ADCY3: variants seen among roughly 807,000 people sequenced by gnomAD.
ADCY3 encodes adenylate cyclase 3.
Under a neutral mutation model 119.4 loss-of-function variants are expected in ADCY3, and 70 were observed. That is an observed-to-expected ratio of 0.59 (90% CI 0.48 to 0.72). The LOEUF is 0.72. Among genes scored for constraint, ADCY3 ranks in the 30% least tolerant of loss-of-function variants. The pLI is 0.00. For missense variants in ADCY3, 1,238 were observed against 1,541.6 expected, an observed-to-expected ratio of 0.80 and a Z score of 3.30; for synonymous variants, 672 against 621.4, an observed-to-expected ratio of 1.08 and a Z score of -1.21.
At chr2:24,829,573 ACCAC>A (rs1669157463) in intron 13 of ADCY3, among the ~76,000 whole-genome samples, 1 of 151,008 alleles carries the variant, frequency 6.6e-6, no homozygotes, top group African/African-American at 2.4e-5. Context: ...GGCGCCTGCC[ACCAC>A]GCCCGGCTAA....
At chr2:24,837,875 T>G (rs1233711193) in intron 8 of ADCY3, among the ~76,000 whole-genome samples, 1 of 152,136 alleles carries the variant, frequency 6.6e-6, no homozygotes, top group Non-Finnish European at 1.5e-5. Flanking sequence ...GATGCACGAT[T>G]GCAAGCTTGT....
intron 6 of ADCY3, 114 bp from the exon 7 acceptor site, chr2:24,840,145 G>T: frequency 1.5e-6 from 2 of 1,364,136 alleles, no homozygotes; most frequent in South Asian, 1.4e-5. Context: ...ACAAGAGGGG[G>T]CCTGGCAAGG....
At chr2:24,825,979 G>T in intron 16 of ADCY3, 66 bp downstream of exon 16, 5 of 1,514,394 alleles carry the variant, frequency 3.3e-6, no homozygotes, top group Non-Finnish European at 4.6e-6. Flanking sequence ...TTAGGTCCCA[G>T]GGCTGCTTCT....
chr2:24,842,403 G>A lies in ADCY3; in HGVS notation c.826-19C>T. ...GGTTCTCCTGTGAGGGGCAGGAGAG[G>A]GTCAGAGGCAAAGGTAGGCCCTGCT... On this transcript the variant is annotated intron_variant, in intron 3 of 21. Transcript: ENST00000679454. This position sits in a 1 kb window ranked among gnomAD's most constrained non-coding sequence, Gnocchi z 4.9. 1 of 1,613,966 alleles carries A rather than the reference G, an allele frequency of 6.2e-7. No homozygotes were observed. The highest frequency in any genetic ancestry group is 1.3e-5 in the African/African-American group (1 of 75,030).
At chr2:24,863,297 C>A (rs1252158214) in intron 3 of ADCY3, among the ~76,000 whole-genome samples, 1 of 152,072 alleles carries the variant, frequency 6.6e-6, no homozygotes, top group African/African-American at 2.4e-5. Context: ...TATAAACAGG[C>A]AGAAAAAGGT....
chr2:24,859,940 C>T (rs1044664276), intron 3 of ADCY3, among the ~76,000 whole-genome samples: 6 of 152,218 alleles, frequency 3.9e-5, no homozygotes, highest in African/African-American at 1.4e-4. Context: ...TCTCCCTCTA[C>T]GTGCCCTGGC....
At chr2:24,876,328 A>T (rs1233675562) in intron 2 of ADCY3, among the ~76,000 whole-genome samples, 3 of 152,192 alleles carry the variant, frequency 2.0e-5, no homozygotes, top group Admixed American at 1.3e-4. Flanking sequence ...AGTCACGAAG[A>T]TACTAGCCCT....
At chr2:24,895,241 C>T (rs746571892) in intron 2 of ADCY3, among the ~76,000 whole-genome samples, 1 of 151,916 alleles carries the variant, frequency 6.6e-6, no homozygotes, top group Non-Finnish European at 1.5e-5. Flanking sequence ...CGGGCACACA[C>T]CACCACGCCC....
Position 24,918,327 on chromosome 2 carries a change from G to A in ADCY3, c.661C>T (p.Gln221Ter). Residue 221 changes from glutamine to a stop codon, truncating the protein, a stop_gained, in exon 2 of 22, where the codon CAG (glutamine) becomes TAG (stop). Transcript: ENST00000679454. LOFTEE classifies it high-confidence loss of function. The surrounding 1 kb of genome is among the most constrained non-coding windows in gnomAD (Gnocchi z 5.4). ...QQQQEELKGM[Q>*]LLREILANVF... ...GCAGGACTCACCTCCCGCAGCAGCT[G>A]CATCCCCTTGAGCTCCTCCTGCTGC... is the stretch of plus-strand genomic sequence containing the variant. 3 of 1,571,780 alleles carry A rather than the reference G, an allele frequency of 1.9e-6. No homozygotes were observed. Among genetic ancestry groups the A allele is most frequent in the Non-Finnish European group, 1.7e-6 (2 of 1,157,764 alleles).
At position 24,826,057 on chromosome 2, in the gene ADCY3, G is replaced by C. The variant is rs759737763; in HGVS notation, c.2565C>G (p.Tyr855Ter). ...MVFLMMLSFY[Y>*]FSRHVEKLAR... ...AGGCGGCACTCACGTGGCGGGAGAA[G>C]TAGTAGAAGCTGAGCATCATGAGGA... is the stretch of plus-strand genomic sequence containing the variant. Residue 855 changes from tyrosine (Y) to a stop codon, truncating the protein, a stop_gained, in exon 16 of 22, where the codon TAC (tyrosine) becomes TAG (stop). Transcript: ENST00000679454. LOFTEE classifies it high-confidence loss of function. 1 of 1,614,114 alleles carries C rather than the reference G, an allele frequency of 6.2e-7. No homozygotes were observed. The highest frequency in any genetic ancestry group is 1.3e-5 in the African/African-American group (1 of 75,062).
In ADCY3 at chr2:24,834,637, C is replaced by T. The variant is rs749745642; in HGVS notation, c.1815G>A (p.Lys605=). 4 of 1,614,068 alleles carry T rather than the reference C, an allele frequency of 2.5e-6. No homozygotes were observed. Among genetic ancestry groups the T allele is most frequent in the East Asian group, 2.2e-5 (1 of 44,886 alleles). Residue 605 remains lysine (K), a synonymous_variant, in exon 11 of 22, where the codon AAG becomes AAA. Coordinates refer to ENST00000679454, the MANE Select transcript of ADCY3 (RefSeq NM_004036.5). The surrounding 1 kb of genome is among the most constrained non-coding windows in gnomAD (Gnocchi z 4.2). ...GCATGGACAAGAGGAAGGTGTTTCT[C>T]TTCTTTACTCTGCAGTGGGAACAAG... is the stretch of plus-strand genomic sequence containing the variant. The part of the protein sequence containing the change: ...LERESAQVVK[K]RNTFLLSMRF...
In ADCY3 at chr2:24,842,424, C is replaced by G; in HGVS notation, c.826-40G>C. Reference sequence around the variant, plus strand: ...AGAGGGTCAGAGGCAAAGGTAGGCCCTGCTAGAGGCAAGTTCAGATACTTC... The same window carrying G: ...AGAGGGTCAGAGGCAAAGGTAGGCCGTGCTAGAGGCAAGTTCAGATACTTC... On this transcript the variant is annotated intron_variant, in intron 3 of 21. Transcript: ENST00000679454. This position sits in a 1 kb window ranked among gnomAD's most constrained non-coding sequence, Gnocchi z 4.9. The G allele has an allele frequency of 6.2e-7, 1 of 1,612,896 alleles. No individual in the cohort carries two copies. Among genetic ancestry groups the G allele is most frequent in the African/African-American group, 1.3e-5 (1 of 75,014 alleles).
chr2:24,823,144 T>C (rs1425326776), intron 18 of ADCY3, 65 bp downstream of exon 18: 5 of 1,556,100 alleles, frequency 3.2e-6, no homozygotes, highest in African/African-American at 1.4e-5. Flanking sequence ...CTGCAGCCTA[T>C]TGTAGGATGT....
chr2:24,831,504 T>C (rs1340921612), intron 12 of ADCY3, among the ~76,000 whole-genome samples, 158 bp downstream of exon 12: 1 of 152,180 alleles, frequency 6.6e-6, no homozygotes, highest in Non-Finnish European at 1.5e-5. Flanking sequence ...GCTCTGCTGA[T>C]GGTGAATGAA....
chr2:24,824,431 T>C lies in ADCY3; in HGVS notation c.2683A>G (p.Met895Val). The C allele has an allele frequency of 6.2e-7, 1 of 1,614,236 alleles. No individual in the cohort carries two copies. The highest frequency in any genetic ancestry group is 8.5e-7 in the Non-Finnish European group (1 of 1,180,030). ...RRWNEALVTN[M>V]LPEHVARHFL... ...TGGCGTGCCACGTGCTCAGGCAACA[T>C]GTTGGTGACCAAGGCCTCGTTCCAG... is the stretch of plus-strand genomic sequence containing the variant. Residue 895 changes from methionine to valine, a missense_variant, in exon 17 of 22, where the codon ATG (methionine) becomes GTG (valine). By Grantham distance (21) the Met-to-Val change is conservative (BLOSUM62 1). Transcript: ENST00000679454.
At chr2:24,871,689 G>A (rs1384754576) in intron 3 of ADCY3, among the ~76,000 whole-genome samples, 1 of 152,222 alleles carries the variant, frequency 6.6e-6, no homozygotes, top group African/African-American at 2.4e-5. Context: ...AGATGACATG[G>A]TTCCCAGAGC....
rs1025019714 is a variant in ADCY3 at position 24,861,162 on chromosome 2, A to G, written c.825+11408T>C. Among the ~76,000 whole-genome samples the G allele has an allele frequency of 7.2e-5, 11 of 151,894 alleles. No homozygotes were observed. In the South Asian group the frequency reaches 2.3e-3, roughly 32 times the overall value. On this transcript the variant is annotated intron_variant, in intron 3 of 21. Coordinates refer to ENST00000679454, the MANE Select transcript of ADCY3 (RefSeq NM_004036.5). ...GCTACACGGGAGGCTCAGGCAGGAG[A>G]ATCGCTTGAACCTGGGAGGTGGAGG...
intron 13 of ADCY3, among the ~76,000 whole-genome samples, chr2:24,829,412 A>ATTTTTTTTTT (rs67246369): frequency 1.6e-5 from 1 of 63,790 alleles, no homozygotes; most frequent in African/African-American, 6.0e-5. Flanking sequence ...GTGTGCTCCA[A>ATTTTTTTTTT]TTTTTTTTTT....
At chr2:24,826,865 G>C (rs76263628) in intron 15 of ADCY3, 1 of 152,532 alleles carries the variant, frequency 6.6e-6, no homozygotes, top group East Asian at 1.9e-4. Flanking sequence ...TTCTAACACG[G>C]TTGTACTAAC....
Sources: allele counts gnomAD v4.1 joint callset (sites outside exome capture counted in the v4.1 genomes callset), GRCh38; gene constraint gnomAD v4.1.1; non-coding constraint Gnocchi (gnomAD v3.1); transcripts MANE v1.5; gene names NCBI Gene and HGNC (gene_info 2026-07-23, HGNC 2026-07-21).